Variants in RCAN2 observed in about 807,000 individuals in gnomAD.
RCAN2 encodes the protein regulator of calcineurin 2, also known as calcipressin-2.
Under a neutral mutation model 23.6 loss-of-function variants are expected in RCAN2, and 9 were observed. That is an observed-to-expected ratio of 0.38 (90% CI 0.23 to 0.67). The LOEUF is 0.67. RCAN2 is among the 30% of genes least tolerant of loss of function. RCAN2 has a pLI of 0.51. For missense variants in RCAN2, 273 were observed against 302.3 expected, an observed-to-expected ratio of 0.90 and a Z score of 0.72; for synonymous variants, 109 against 115.7, an observed-to-expected ratio of 0.94 and a Z score of 0.37.
intron 1 of RCAN2, among the ~76,000 whole-genome samples, chr6:46,470,580 A>G (rs1768531356): frequency 6.6e-6 from 1 of 152,192 alleles, no homozygotes; most frequent in African/African-American, 2.4e-5. Flanking sequence ...TGACACATAC[A>G]AAAATGTTCA....
At chr6:46,490,984 A>ACCCCACCCCCGCCACCGC (rs1769124029) in intron 1 of RCAN2, among the ~76,000 whole-genome samples, 189 bp downstream of exon 1, 39 of 139,646 alleles carry the variant, frequency 2.8e-4, no homozygotes, top group African/African-American at 9.6e-4. Context: ...CTGGAGACAA[A>ACCCCACCCCCGCCACCGC]CCCCACCCCC....
chr6:46,479,421 C>T (rs1052239080), intron 1 of RCAN2, among the ~76,000 whole-genome samples: 1 of 152,116 alleles, frequency 6.6e-6, no homozygotes, highest in African/African-American at 2.4e-5. Context: ...AAGTGTAACA[C>T]CAATTCCGTT....
chr6:46,284,786 C>G (rs1400465214), intron 2 of RCAN2, among the ~76,000 whole-genome samples: 1 of 152,098 alleles, frequency 6.6e-6, no homozygotes, highest in Non-Finnish European at 1.5e-5. Flanking sequence ...CTCTGAAAAG[C>G]TGACACAGTT....
chr6:46,465,236 C>T (rs1768341209), intron 1 of RCAN2, among the ~76,000 whole-genome samples: 1 of 152,074 alleles, frequency 6.6e-6, no homozygotes, highest in Non-Finnish European at 1.5e-5. Flanking sequence ...TTCTTAAAGA[C>T]AGAAAAACCT....
chr6:46,232,790 C>A (rs943694526), intron 4 of RCAN2, among the ~76,000 whole-genome samples: 244 of 89,074 alleles, frequency 2.7e-3, no homozygotes, highest in Middle Eastern at 6.7e-3. Flanking sequence ...AAGACTGTCT[C>A]AAAAAAAAAA....
At chr6:46,470,652 T>A (rs190919598) in intron 1 of RCAN2, among the ~76,000 whole-genome samples, 18 of 152,342 alleles carry the variant, frequency 1.2e-4, no homozygotes, top group African/African-American at 3.4e-4. Flanking sequence ...ACTTTTCTCA[T>A]TTTTTATATT....
At chr6:46,234,366 T>C (rs540270484) in intron 4 of RCAN2, among the ~76,000 whole-genome samples, 1 of 152,346 alleles carries the variant, frequency 6.6e-6, no homozygotes, top group East Asian at 1.9e-4. Context: ...TTTTTTGGCC[T>C]CTTTTTCCCT....
In RCAN2 at chr6:46,351,264, T is replaced by C. The variant is rs544767559; in HGVS notation, c.226-102368A>G. Among the ~76,000 whole-genome samples, 36 of 152,326 alleles carry C rather than the reference T, an allele frequency of 2.4e-4. 1 individual carries two copies. In the South Asian group the frequency reaches 7.2e-3, roughly 31 times the overall value. ...AAGTATTGACAGAATCCTTCCAGCATTTGACACTTCACAACCAAGGCTTCC... is the reference window on the plus strand; with the variant it reads ...AAGTATTGACAGAATCCTTCCAGCACTTGACACTTCACAACCAAGGCTTCC... On this transcript the variant is annotated intron_variant, in intron 2 of 4. Coordinates refer to ENST00000371374, the MANE Select transcript of RCAN2 (RefSeq NM_001251974.2).
intron 2 of RCAN2, among the ~76,000 whole-genome samples, chr6:46,395,959 T>C (rs960154841): frequency 6.6e-6 from 1 of 152,200 alleles, no homozygotes; most frequent in Non-Finnish European, 1.5e-5. Context: ...AGCTGGAGTT[T>C]AGTTTCACAA....
intron 4 of RCAN2, among the ~76,000 whole-genome samples, chr6:46,229,780 T>C (rs1320636402): frequency 2.0e-5 from 3 of 152,240 alleles, no homozygotes; most frequent in African/African-American, 7.2e-5. Context: ...TCTCAACTCG[T>C]CAAAGTCATT....
chr6:46,384,162 T>C (rs532953853), intron 2 of RCAN2, among the ~76,000 whole-genome samples: 1 of 152,184 alleles, frequency 6.6e-6, no homozygotes, highest in African/African-American at 2.4e-5. Context: ...TTCCCCACTC[T>C]CCTTTAGTAT....
At chr6:46,359,557 T>C (rs1274207077) in intron 2 of RCAN2, among the ~76,000 whole-genome samples, 1 of 152,228 alleles carries the variant, frequency 6.6e-6, no homozygotes, top group Admixed American at 6.5e-5. Flanking sequence ...ATCAAAATCT[T>C]TCAACTGTTT....
In RCAN2 at chr6:46,455,583, G is replaced by A. The variant is rs141345366; in HGVS notation, c.225+1169C>T. 2.4e-3 allele frequency among the ~76,000 whole-genome samples: 357 copies of A among 151,846 alleles called. 3 individuals carry two copies. Among genetic ancestry groups the A allele is most frequent in the African/African-American group, 7.4e-3 (305 of 41,440 alleles). ...AGAAAAAAAAAAGCCTCAGCCGGGC[G>A]CAGTGGCTCACACCTGTAATCCCAA... On this transcript the variant is annotated intron_variant, in intron 2 of 4. Coordinates refer to ENST00000371374, the MANE Select transcript of RCAN2 (RefSeq NM_001251974.2).
intron 1 of RCAN2, among the ~76,000 whole-genome samples, chr6:46,490,347 C>T (rs1459807072): frequency 6.6e-6 from 1 of 152,212 alleles, no homozygotes; most frequent in Non-Finnish European, 1.5e-5. Flanking sequence ...GGCAGTTGAA[C>T]ACCTCTATCC....
rs183572579 is a variant in RCAN2, at chr6:46,303,498, C to T, written c.226-54602G>A. 5.9e-5 allele frequency among the ~76,000 whole-genome samples: 9 copies of T among 152,176 alleles called. No individual in the cohort carries two copies. The East Asian group carries it at 1.7e-3, about 29-fold the overall frequency. On this transcript the variant is annotated intron_variant, in intron 2 of 4. Transcript: ENST00000371374. The stretch of plus-strand genomic sequence containing the variant: ...CTACTTGACCATGAGGCCTTGGAGA[C>T]TTTGCTAGTGGGATGGGTCACCAAT...
intron 2 of RCAN2, among the ~76,000 whole-genome samples, chr6:46,391,699 T>A (rs1340528846): frequency 6.6e-6 from 1 of 152,178 alleles, no homozygotes; most frequent in Non-Finnish European, 1.5e-5. Flanking sequence ...TATACCTGAT[T>A]AAACAACCAA....
chr6:46,294,087 G>T (rs545732882), intron 2 of RCAN2, among the ~76,000 whole-genome samples: 1 of 152,286 alleles, frequency 6.6e-6, no homozygotes, highest in East Asian at 1.9e-4. Context: ...GAGAGTTATA[G>T]GGAATGATAC....
At chr6:46,366,182 C>T (rs1316633521) in intron 2 of RCAN2, among the ~76,000 whole-genome samples, 2 of 152,222 alleles carry the variant, frequency 1.3e-5, no homozygotes, top group African/African-American at 4.8e-5. Context: ...CCTTTGACTA[C>T]TACCCTAAGA....
rs1205929013 is a variant in RCAN2, at chr6:46,226,712, A to G, written c.572-3411T>C. ...TGAGATGATGGGGTTTTCTAAATATACAATCATGTCATCTGGAAACAGAGA... is the reference window on the plus strand; with the variant it reads ...TGAGATGATGGGGTTTTCTAAATATGCAATCATGTCATCTGGAAACAGAGA... On this transcript the variant is annotated intron_variant, in intron 4 of 4. Coordinates refer to ENST00000371374, the MANE Select transcript of RCAN2 (RefSeq NM_001251974.2). Among the ~76,000 whole-genome samples, 3 of 152,214 alleles carry G rather than the reference A, an allele frequency of 2.0e-5. No individual in the cohort carries two copies. In the East Asian group the frequency reaches 5.8e-4, roughly 29 times the overall value.
Sources: gnomAD v4.1 joint callset for allele counts (sites outside exome capture counted in the v4.1 genomes callset) on GRCh38, gnomAD v4.1.1 for gene constraint, MANE v1.5 for transcripts, NCBI Gene and HGNC (gene_info 2026-07-23, HGNC 2026-07-21) for gene names.